ASAP1: variants seen among roughly 807,000 people sequenced by gnomAD.
The protein encoded by ASAP1 is ArfGAP with SH3 domain, ankyrin repeat and PH domain 1, also known as arf-GAP with SH3 domain, ANK repeat and PH domain-containing protein 1.
Under a neutral mutation model 145.2 loss-of-function variants are expected in ASAP1, and 43 were observed. That is an observed-to-expected ratio of 0.30 (90% CI 0.23 to 0.38). The LOEUF is 0.38. Ranked by LOEUF, ASAP1 falls within the 10% of genes least tolerant of loss-of-function variation. The probability of loss-of-function intolerance (pLI) is 1.00; values close to 1 mark genes in which losing one functional copy is unlikely to be tolerated. For missense variants in ASAP1, 1,018 were observed against 1,355.3 expected (o/e 0.75, Z 3.91); for synonymous variants, 546 against 515.5 (o/e 1.06, Z -0.80).
At chr8:130,207,454 C>T (rs1465374761) in intron 5 of ASAP1, among the ~76,000 whole-genome samples, 1 of 152,136 alleles carries the variant, frequency 6.6e-6, no homozygotes. Flanking sequence ...CAAGAGGATA[C>T]GGCCCTTGTC....
chr8:130,400,659 C>T (rs1312424773), intron 2 of ASAP1, among the ~76,000 whole-genome samples: 3 of 151,934 alleles, frequency 2.0e-5, no homozygotes, highest in East Asian at 3.9e-4. Context: ...GGCGTGATGG[C>T]AGGCGCCTGT....
At position 130,118,650 on chromosome 8, in the gene ASAP1, C is replaced by A. The variant is rs768396932; in HGVS notation, c.1633G>T (p.Ala545Ser). The change falls in exon 19 of 30, where the codon GCA becomes TCA. Residue 545 changes from alanine to serine, a missense_variant. Ala to Ser is a moderately conservative substitution (Grantham distance 99). Coordinates refer to ENST00000518721, the MANE Select transcript of ASAP1 (RefSeq NM_018482.4). The part of the protein sequence containing the change: ...DMTVRKEYIT[A>S]KYVDHRFSRK... ...GAAAACCTATGATCTACATACTTTGCAGTGATATATTCTTTTCGTACAGTC... is the reference window on the plus strand; with the variant it reads ...GAAAACCTATGATCTACATACTTTGAAGTGATATATTCTTTTCGTACAGTC... The A allele has an allele frequency of 1.9e-6, 3 of 1,612,738 alleles. No individual in the cohort carries two copies. In the South Asian group the frequency reaches 3.3e-5, roughly 18 times the overall value.
At chr8:130,230,514 C>T (rs1426101) in intron 4 of ASAP1, among the ~76,000 whole-genome samples, 43,787 of 151,758 alleles carry the variant, frequency 0.29, 6,400 homozygotes, top group Admixed American at 0.31. Context: ...GGGAAAAAAA[C>T]CCCTTCCTTG....
chr8:130,328,817 T>C (rs1824503498), intron 3 of ASAP1, among the ~76,000 whole-genome samples: 1 of 151,978 alleles, frequency 6.6e-6, no homozygotes. Context: ...TTTGTAGAGA[T>C]GGTGGTCTCC....
intron 3 of ASAP1, among the ~76,000 whole-genome samples, chr8:130,241,894 T>A (rs1400085606): frequency 2.0e-5 from 3 of 152,152 alleles, no homozygotes; most frequent in Non-Finnish European, 4.4e-5. Context: ...ACTTTCTATA[T>A]ACTCAAGTGG....
chr8:130,139,554 C>T (rs1393573958), intron 13 of ASAP1, among the ~76,000 whole-genome samples: 1 of 151,820 alleles, frequency 6.6e-6, no homozygotes, highest in African/African-American at 2.4e-5. Flanking sequence ...GGCGAAACCC[C>T]GTTGTCTCTA....
chr8:130,332,482 AAAT>A (rs1390746670), intron 3 of ASAP1, among the ~76,000 whole-genome samples: 3 of 152,238 alleles, frequency 2.0e-5, no homozygotes, highest in African/African-American at 4.8e-5. Flanking sequence ...GTCAAATAAA[AAAT>A]AATACAAAGA....
At chr8:130,129,444 T>C (rs1033586498) in intron 15 of ASAP1, among the ~76,000 whole-genome samples, 1 of 152,232 alleles carries the variant, frequency 6.6e-6, no homozygotes, top group African/African-American at 2.4e-5. Flanking sequence ...TTCAAAACTA[T>C]AATGAACTTG....
intron 15 of ASAP1, among the ~76,000 whole-genome samples, chr8:130,133,953 T>C (rs1179799298): frequency 6.6e-6 from 1 of 152,150 alleles, no homozygotes; most frequent in Non-Finnish European, 1.5e-5. Context: ...TAAGGCACGG[T>C]CCTTGCCCTC....
intron 6 of ASAP1, 74 bp from the exon 7 acceptor site, chr8:130,187,359 T>A (rs906128708): frequency 4.0e-6 from 5 of 1,241,640 alleles, no homozygotes; most frequent in Non-Finnish European, 5.8e-6. Flanking sequence ...TGAAATGACA[T>A]CTTAGCAAGA....
chr8:130,112,390 G>T, intron 23 of ASAP1, 68 bp from the exon 24 acceptor site: 3 of 1,394,528 alleles, frequency 2.2e-6, no homozygotes, highest in Non-Finnish European at 2.0e-6. Flanking sequence ...GAGGGCCTCC[G>T]CAGGGCGGGC....
At chr8:130,158,948 G>A (rs1427062157) in intron 12 of ASAP1, among the ~76,000 whole-genome samples, 2 of 152,028 alleles carry the variant, frequency 1.3e-5, no homozygotes, top group African/African-American at 2.4e-5. Context: ...AGCCAGGATG[G>A]TCTCGATCTC....
intron 3 of ASAP1, among the ~76,000 whole-genome samples, chr8:130,285,125 C>T (rs1045219546): frequency 2.6e-5 from 4 of 151,972 alleles, no homozygotes; most frequent in African/African-American, 7.3e-5. Flanking sequence ...TCAGAGAACA[C>T]CAGACCTAAG....
At chr8:130,214,059 G>T (rs2136424936) in intron 5 of ASAP1, among the ~76,000 whole-genome samples, 1 of 152,320 alleles carries the variant, frequency 6.6e-6, no homozygotes, top group South Asian at 2.1e-4. Flanking sequence ...GGGTTAAAAG[G>T]ATGTGGGGAG....
chr8:130,375,368 T>A (rs1586932446), intron 2 of ASAP1, among the ~76,000 whole-genome samples: 1 of 146,182 alleles, frequency 6.8e-6, no homozygotes, highest in Non-Finnish European at 1.5e-5. Context: ...TGGTTAGGGG[T>A]GGGGGAGCAG....
chr8:130,223,084 ATAAT>A (rs1423658004), intron 4 of ASAP1, among the ~76,000 whole-genome samples: 4 of 152,356 alleles, frequency 2.6e-5, no homozygotes, highest in South Asian at 4.1e-4. Context: ...TAAAGGTGTC[ATAAT>A]TAATATAAAA....
Position 130,054,583 on chromosome 8 carries a change from A to T in ASAP1, c.*148T>A. The T allele has an allele frequency of 1.5e-6, 1 of 660,414 alleles. No homozygotes were observed. The highest frequency in any genetic ancestry group is 2.7e-6 in the Non-Finnish European group (1 of 369,806). The allele number at this position is 660,414 out of a possible 1,614,324, so 40.9% of individuals were successfully genotyped here. A position where few individuals can be genotyped will look rare whatever the true frequency, so the allele number is the denominator to read the frequency against. On this transcript the variant is annotated 3_prime_UTR_variant, in exon 30 of 30. Transcript: ENST00000518721. Reference sequence around the variant, plus strand: ...GAAGGCAGAAAACCACAGGATATTTACAACACACATTATATCCCCCTCCTG... The same window carrying T: ...GAAGGCAGAAAACCACAGGATATTTTCAACACACATTATATCCCCCTCCTG...
intron 18 of ASAP1, among the ~76,000 whole-genome samples, chr8:130,121,207 CTCTG>C (rs1428897165): frequency 6.6e-6 from 1 of 152,168 alleles, no homozygotes; most frequent in Non-Finnish European, 1.5e-5. Flanking sequence ...ACAGCTTCTC[CTCTG>C]TCTGTTTTCA....
intron 11 of ASAP1, among the ~76,000 whole-genome samples, chr8:130,166,144 CT>C (rs1404659622): frequency 6.6e-6 from 1 of 152,108 alleles, no homozygotes; most frequent in Admixed American, 6.5e-5. Flanking sequence ...GTAGCTGGGA[CT>C]ACAGGCACAT....
Sources: gnomAD v4.1 joint callset for allele counts (sites outside exome capture counted in the v4.1 genomes callset) on GRCh38, gnomAD v4.1.1 for gene constraint, MANE v1.5 for transcripts, NCBI Gene and HGNC (gene_info 2026-07-23, HGNC 2026-07-21) for gene names.